The following GALR1 variants were observed in gnomAD, a reference collection of about 807,000 sequenced individuals.
GALR1 encodes the protein galanin receptor type 1.
GALR1 carries 11 observed loss-of-function variants against 17.9 expected under a neutral mutation model. That is an observed-to-expected ratio of 0.62 (90% confidence interval 0.39 to 1.02). The LOEUF (loss-of-function observed/expected upper bound fraction) is 1.02, where lower values mean the gene tolerates loss of function less well. Among genes scored for constraint, GALR1 ranks in the 50% least tolerant of loss-of-function variants. The pLI, the probability that GALR1 is intolerant of heterozygous loss-of-function variation, is 0.01. For missense variants in GALR1, 441 were observed against 456.9 expected (o/e 0.97, Z 0.32); for synonymous variants, 206 against 205.7 (o/e 1.00, Z -0.01).
intron 2 of GALR1, among the ~76,000 whole-genome samples, chr18:77,261,425 C>T (rs1164847144): frequency 6.6e-6 from 1 of 152,184 alleles, no homozygotes; most frequent in African/African-American, 2.4e-5. Flanking sequence ...TAAAAATCAG[C>T]CTCGTCCTCC....
intron 1 of GALR1, among the ~76,000 whole-genome samples, chr18:77,253,025 TCACCACCATCACCACCACCACCAC>T (rs1568139278): frequency 2.5e-5 from 1 of 40,488 alleles, no homozygotes; most frequent in African/African-American, 9.3e-5. Context: ...ACCACCACCA[TCACCACCATCACCACCACCACCAC>T]CACCACCAAT....
chr18:77,272,127 A>G lies in GALR1; in HGVS notation c.*3225A>G, dbSNP rs1267840641. 2.0e-5 allele frequency: 3 copies of G among 152,136 alleles called. No individual in the cohort carries two copies. Among genetic ancestry groups the G allele is most frequent in the Non-Finnish European group, 4.4e-5 (3 of 68,028 alleles). 9.4% of individuals were successfully genotyped at this position (152,136 alleles called of 1,614,324 possible). On this transcript the variant is annotated 3_prime_UTR_variant, in exon 3 of 3. Transcript: ENST00000299727. Reference sequence around the variant, plus strand: ...TTTATCCTAACTCACTTCTATCCAGATTTCCTCTCGATAATATTTACCACA... The same window carrying G: ...TTTATCCTAACTCACTTCTATCCAGGTTTCCTCTCGATAATATTTACCACA...
In GALR1 at chr18:77,251,176, C is replaced by T; in HGVS notation, c.628C>T (p.Leu210=). Residue 210 remains leucine, a synonymous_variant, in exon 1 of 3, where the codon CTG becomes TTG. Transcript: ENST00000299727. ...GGTGTGCACCTTCGTCTTCGGCTAC[C>T]TGCTGCCGCTCCTGCTCATCTGCTT... The part of the protein sequence containing the change: ...YVVCTFVFGY[L]LPLLLICFCY... 6.2e-7 allele frequency: 1 copy of T among 1,610,180 alleles called. No individual in the cohort carries two copies. The highest frequency in any genetic ancestry group is 1.7e-5 in the Admixed American group (1 of 59,968).
At chr18:77,256,037 A>G in intron 1 of GALR1, 121 bp from the exon 2 acceptor site, 1 of 638,576 alleles carries the variant, frequency 1.6e-6, no homozygotes, top group South Asian at 2.0e-5. Context: ...TTGAGTTTTT[A>G]TTTTAATGAT....
Position 77,250,688 on chromosome 18 carries a change from G to C in GALR1, c.140G>C (p.Gly47Ala), listed in dbSNP as rs2144945421. 3 of 1,613,276 alleles carry C rather than the reference G, an allele frequency of 1.9e-6. No individual in the cohort carries two copies. The highest frequency in any genetic ancestry group is 2.2e-5 in the East Asian group (1 of 44,852). ...LVVFGLIFAL[G>A]VLGNSLVITV... ...GTGTTCGGCCTGATCTTCGCGCTGGGTGTGCTGGGCAACAGCCTAGTGATC... is the reference window on the plus strand; with the variant it reads ...GTGTTCGGCCTGATCTTCGCGCTGGCTGTGCTGGGCAACAGCCTAGTGATC... Residue 47 changes from glycine (G) to alanine (A), a missense_variant, in exon 1 of 3, where the codon GGT (glycine) becomes GCT (alanine). Gly to Ala is a moderately conservative substitution (Grantham distance 60). Coordinates refer to ENST00000299727, the MANE Select transcript of GALR1 (RefSeq NM_001480.4).
Position 77,268,565 on chromosome 18 carries a change from C to T in GALR1, c.733-20C>T. 1.3e-6 allele frequency: 2 copies of T among 1,552,582 alleles called. No individual in the cohort carries two copies. The highest frequency in any genetic ancestry group is 1.8e-6 in the Non-Finnish European group (2 of 1,130,738). ...CCGCCTCCTCCTCCTCCTCCTCCTCCTCCTCTTCTTCTTTTCTAGACTGCA... is the reference window on the plus strand; with the variant it reads ...CCGCCTCCTCCTCCTCCTCCTCCTCTTCCTCTTCTTCTTTTCTAGACTGCA... On this transcript the variant is annotated intron_variant, in intron 2 of 2. Transcript: ENST00000299727.
chr18:77,258,803 G>GTCA (rs1912690879), intron 2 of GALR1, among the ~76,000 whole-genome samples: 2 of 133,052 alleles, frequency 1.5e-5, no homozygotes, highest in East Asian at 2.2e-4. Context: ...GGTGATGGTG[G>GTCA]TGGTGGTCAT....
chr18:77,276,678 GA>G lies in GALR1; in HGVS notation c.*7777del, dbSNP rs1341115209. 1 of 152,186 alleles carries G rather than the reference GA, an allele frequency of 6.6e-6. No homozygotes were observed. Among genetic ancestry groups the G allele is most frequent in the African/African-American group, 2.4e-5 (1 of 41,440 alleles). The allele number at this position is 152,186 out of a possible 1,614,324, so 9.4% of individuals were successfully genotyped here. On this transcript the variant is annotated 3_prime_UTR_variant, in exon 3 of 3. Transcript: ENST00000299727. ...TTTTAAAACAGTGTCTGTATTTTCAGAGCAGATAACCAATCAAATTGAGCAG... is the reference window on the plus strand; with the variant it reads ...TTTTAAAACAGTGTCTGTATTTTCAGGCAGATAACCAATCAAATTGAGCAG...
Position 77,257,885 on chromosome 18 carries a change from G to A in GALR1, c.732+1662G>A, listed in dbSNP as rs543191425. Among the ~76,000 whole-genome samples the A allele has an allele frequency of 2.6e-5, 4 of 152,344 alleles. No individual in the cohort carries two copies. The South Asian group carries it at 8.3e-4, about 32-fold the overall frequency. On this transcript the variant is annotated intron_variant, in intron 2 of 2. Coordinates refer to ENST00000299727, the MANE Select transcript of GALR1 (RefSeq NM_001480.4). ...ATTGGGCTCGTCAAACTTTAACTGA[G>A]AAGACACCATTGATCTGTGATAAAT...
chr18:77,255,220 G>A (rs1280121484), intron 1 of GALR1, among the ~76,000 whole-genome samples: 2 of 152,178 alleles, frequency 1.3e-5, no homozygotes, highest in African/African-American at 4.8e-5. Context: ...ATGGGATATA[G>A]CAATGAACTT....
intron 1 of GALR1, among the ~76,000 whole-genome samples, chr18:77,253,027 A>G (rs1904298819): frequency 2.2e-5 from 3 of 137,424 alleles, no homozygotes; most frequent in Non-Finnish European, 3.1e-5. Context: ...CACCACCATC[A>G]CCACCATCAC....
chr18:77,251,579 T>C (rs1599353127), intron 1 of GALR1, among the ~76,000 whole-genome samples: 1 of 152,192 alleles, frequency 6.6e-6, no homozygotes, highest in Non-Finnish European at 1.5e-5. Context: ...TCCTTCCCGG[T>C]ACAGCAAACC....
intron 2 of GALR1, among the ~76,000 whole-genome samples, chr18:77,258,746 A>G (rs201797458): frequency 0.07 from 6,794 of 96,474 alleles, 277 homozygotes; most frequent in Admixed American, 0.14. Flanking sequence ...GATGATGGTT[A>G]TGGTGGTGAT....
chr18:77,266,784 C>T (rs552632591), intron 2 of GALR1, among the ~76,000 whole-genome samples: 20 of 152,286 alleles, frequency 1.3e-4, no homozygotes, highest in African/African-American at 3.6e-4. Context: ...CTCACTGTCA[C>T]GAGAACAGCA....
chr18:77,264,198 G>A (rs952079299), intron 2 of GALR1, among the ~76,000 whole-genome samples: 1 of 142,922 alleles, frequency 7.0e-6, no homozygotes, highest in African/African-American at 2.6e-5. Context: ...TCCCCTCCTA[G>A]CAGTGTGGAG....
intron 2 of GALR1, among the ~76,000 whole-genome samples, chr18:77,256,523 A>ACAGAGTGCAGAGTGCAGAGTGCAGAGTG (rs1555672433): frequency 2.7e-4 from 41 of 150,938 alleles, no homozygotes; most frequent in South Asian, 1.5e-3. Flanking sequence ...GTTGACTGAG[A>ACAGAGTGCAGAGTGCAGAGTGCAGAGTG]CAGAGTGCAG....
rs1473631306 is a variant in GALR1, at chr18:77,250,558, G to A, written c.10G>A (p.Ala4Thr). Reference sequence around the variant, plus strand: ...GACAGCCCCGCGGGCCATGGAGCTGGCGGTCGGGAACCTCAGCGAGGGCAA... The same window carrying A: ...GACAGCCCCGCGGGCCATGGAGCTGACGGTCGGGAACCTCAGCGAGGGCAA... Reference protein sequence around the residue: MELAVGNLSEGNAS... With the variant: MELTVGNLSEGNAS... The change falls in exon 1 of 3, where the codon GCG becomes ACG. Residue 4 changes from alanine to threonine, a missense_variant. Physicochemically the swap from Ala to Thr is moderately conservative, Grantham distance 58 (BLOSUM62 0). Coordinates refer to ENST00000299727, the MANE Select transcript of GALR1 (RefSeq NM_001480.4). The A allele has an allele frequency of 6.5e-7, 1 of 1,530,134 alleles. No individual in the cohort carries two copies. The highest frequency in any genetic ancestry group is 2.0e-5 in the Admixed American group (1 of 50,800). The allele number at this position is 1,530,134 out of a possible 1,614,324, so 94.8% of individuals were successfully genotyped here. A position where few individuals can be genotyped will look rare whatever the true frequency, so the allele number is the denominator to read the frequency against.
intron 2 of GALR1, among the ~76,000 whole-genome samples, chr18:77,259,833 A>G (rs773048420): frequency 2.6e-5 from 4 of 151,784 alleles, no homozygotes; most frequent in East Asian, 1.9e-4. Flanking sequence ...AGAGAGGGGG[A>G]CAGAGGCAGG....
chr18:77,253,040 C>CCACCACCAT (rs1568139301), intron 1 of GALR1, among the ~76,000 whole-genome samples: 7 of 115,598 alleles, frequency 6.1e-5, no homozygotes, highest in Admixed American at 3.6e-4. Flanking sequence ...ACCATCACCA[C>CCACCACCAT]CACCACCACC....
Sources: gnomAD v4.1 joint callset for allele counts (sites outside exome capture counted in the v4.1 genomes callset) on GRCh38, gnomAD v4.1.1 for gene constraint, MANE v1.5 for transcripts, NCBI Gene and HGNC (gene_info 2026-07-23, HGNC 2026-07-21) for gene names.